Variants in ZFAND3 observed in about 807,000 individuals in gnomAD.
ZFAND3 encodes the protein AN1-type zinc finger protein 3.
ZFAND3 carries 10 observed loss-of-function variants against 29.6 expected under a neutral mutation model. The observed-to-expected ratio is 0.34, with a 90% CI of 0.21 to 0.57. The LOEUF is 0.57. Ranked by LOEUF, ZFAND3 falls within the 20% of genes least tolerant of loss-of-function variation. ZFAND3 has a pLI of 0.86. For missense variants in ZFAND3, 230 were observed against 304.5 expected (o/e 0.76, Z 1.82); for synonymous variants, 128 against 112.6 (o/e 1.14, Z -0.87).
At chr6:37,901,626 C>CA (rs1170906488) in intron 1 of ZFAND3, among the ~76,000 whole-genome samples, 9 of 151,616 alleles carry the variant, frequency 5.9e-5, no homozygotes, top group African/African-American at 2.2e-4. Flanking sequence ...TCAATAACAA[C>CA]AAAAAAAGGA....
intron 1 of ZFAND3, among the ~76,000 whole-genome samples, chr6:37,858,348 C>G (rs866583862): frequency 6.6e-6 from 1 of 152,168 alleles, no homozygotes; most frequent in East Asian, 1.9e-4. Flanking sequence ...GTAGCAGGTA[C>G]TAAGGACCTT....
At chr6:37,985,529 C>CACCCA (rs33984396) in intron 2 of ZFAND3, among the ~76,000 whole-genome samples, 2 of 89,700 alleles carry the variant, frequency 2.2e-5, no homozygotes, top group African/African-American at 7.3e-5. Context: ...ACACACACAC[C>CACCCA]CCCACACACG....
chr6:38,026,065 G>A (rs1763441235), intron 2 of ZFAND3, among the ~76,000 whole-genome samples: 2 of 152,130 alleles, frequency 1.3e-5, no homozygotes, highest in African/African-American at 2.4e-5. Flanking sequence ...TCTCAATAAA[G>A]CTGTTACAAA....
chr6:38,010,904 C>CTTTT (rs35362297), intron 2 of ZFAND3, among the ~76,000 whole-genome samples: 8,648 of 130,914 alleles, frequency 0.066, 347 homozygotes, highest in Non-Finnish European at 0.087. Flanking sequence ...CCCGGCCCAA[C>CTTTT]TTTTTTTTTT....
At chr6:38,101,500 G>A (rs1409146114) in intron 4 of ZFAND3, among the ~76,000 whole-genome samples, 8 of 152,136 alleles carry the variant, frequency 5.3e-5, no homozygotes. Context: ...ATAAGCTTAA[G>A]GATTTGTCTT....
At chr6:38,089,834 C>G (rs1324785826) in intron 4 of ZFAND3, among the ~76,000 whole-genome samples, 1 of 152,160 alleles carries the variant, frequency 6.6e-6, no homozygotes, top group Non-Finnish European at 1.5e-5. Flanking sequence ...GAGGACTTCA[C>G]ATCTTCCTCT....
chr6:38,144,287 GTCATT>G lies in ZFAND3; in HGVS notation c.530-7946_530-7942del, dbSNP rs1269314109. Among the ~76,000 whole-genome samples, 42 of 147,322 alleles carry G rather than the reference GTCATT, an allele frequency of 2.9e-4. 1 individual carries two copies. Among genetic ancestry groups the G allele is most frequent in the Admixed American group, 2.8e-3 (41 of 14,650 alleles). Reference sequence around the variant, plus strand: ...TAAGGAAGATGGGTCGGGGATATTTGTCATTTATTTTTGAAATAGACACTTTAGAT... The same window carrying G: ...TAAGGAAGATGGGTCGGGGATATTTGTATTTTTGAAATAGACACTTTAGAT... On this transcript the variant is annotated intron_variant, in intron 5 of 5. Coordinates refer to ENST00000287218, the MANE Select transcript of ZFAND3 (RefSeq NM_021943.3).
At chr6:38,117,442 G>A (rs1354271947) in intron 5 of ZFAND3, among the ~76,000 whole-genome samples, 1 of 151,792 alleles carries the variant, frequency 6.6e-6, no homozygotes, top group East Asian at 1.9e-4. Context: ...TACCCACAGT[G>A]GAATGAAACT....
chr6:37,841,190 G>GAAT (rs1764066403), intron 1 of ZFAND3, among the ~76,000 whole-genome samples: 1 of 152,128 alleles, frequency 6.6e-6, no homozygotes, highest in Admixed American at 6.5e-5. Flanking sequence ...AAGGGTTTCC[G>GAAT]AATAAGTTTC....
At chr6:38,065,262 C>T (rs1177243991) in intron 3 of ZFAND3, among the ~76,000 whole-genome samples, 6 of 151,688 alleles carry the variant, frequency 4.0e-5, no homozygotes, top group Non-Finnish European at 8.8e-5. Flanking sequence ...TTGCAGTGAG[C>T]CGAGATCACT....
At chr6:38,151,492 A>G (rs1355144862) in intron 5 of ZFAND3, among the ~76,000 whole-genome samples, 2 of 151,356 alleles carry the variant, frequency 1.3e-5, no homozygotes, top group Non-Finnish European at 2.9e-5. Flanking sequence ...CAGTGGAGTG[A>G]AGGACAGCTG....
intron 4 of ZFAND3, among the ~76,000 whole-genome samples, chr6:38,107,741 G>A (rs1361848229): frequency 6.6e-6 from 1 of 152,186 alleles, no homozygotes; most frequent in Admixed American, 6.5e-5. Context: ...GCTGAGGCAG[G>A]AAGATCACTT....
rs552543391 is a variant in ZFAND3 at position 37,870,473 on chromosome 6, G to A, written c.71+50457G>A. Among the ~76,000 whole-genome samples, 9 of 151,408 alleles carry A rather than the reference G, an allele frequency of 5.9e-5. No homozygotes were observed. The South Asian group carries it at 1.3e-3, about 21-fold the overall frequency. On this transcript the variant is annotated intron_variant, in intron 1 of 5. Coordinates refer to ENST00000287218, the MANE Select transcript of ZFAND3 (RefSeq NM_021943.3). ...AAAAATTAGCCAGGCATGGTGGCAC[G>A]CGCCAATCCCAGCTACTTGGGAAGC...
chr6:38,022,302 G>T (rs548824604), intron 2 of ZFAND3, among the ~76,000 whole-genome samples: 10 of 152,258 alleles, frequency 6.6e-5, no homozygotes, highest in Middle Eastern at 6.8e-3. Flanking sequence ...TAGGCAAGAA[G>T]GCTTTAAAAA....
intron 1 of ZFAND3, among the ~76,000 whole-genome samples, chr6:37,851,228 C>T (rs1435228674): frequency 1.3e-5 from 2 of 151,402 alleles, no homozygotes; most frequent in Non-Finnish European, 2.9e-5. Flanking sequence ...CTCAGGTGAT[C>T]CACCTGCCTT....
intron 4 of ZFAND3, among the ~76,000 whole-genome samples, chr6:38,112,623 A>C (rs1765341394): frequency 6.6e-6 from 1 of 152,246 alleles, no homozygotes; most frequent in African/African-American, 2.4e-5. Context: ...AATTTATTCA[A>C]ATATGGGTAG....
intron 3 of ZFAND3, among the ~76,000 whole-genome samples, chr6:38,074,999 A>G (rs2127468371): frequency 6.6e-6 from 1 of 152,338 alleles, no homozygotes; most frequent in East Asian, 1.9e-4. Flanking sequence ...TACTGCTGAG[A>G]AAAAGATTCC....
intron 1 of ZFAND3, among the ~76,000 whole-genome samples, chr6:37,922,028 C>T (rs1038043720): frequency 6.6e-6 from 1 of 152,102 alleles, no homozygotes; most frequent in African/African-American, 2.4e-5. Context: ...CACACCACTG[C>T]ACTCCAGCCT....
chr6:37,883,742 A>C (rs1764938681), intron 1 of ZFAND3, among the ~76,000 whole-genome samples: 1 of 145,156 alleles, frequency 6.9e-6, no homozygotes, highest in Non-Finnish European at 1.5e-5. Flanking sequence ...AGGTTTCACC[A>C]TCTTGGTCAG....
Sources: allele counts gnomAD v4.1 joint callset (sites outside exome capture counted in the v4.1 genomes callset), GRCh38; gene constraint gnomAD v4.1.1; transcripts MANE v1.5; gene names NCBI Gene and HGNC (gene_info 2026-07-23, HGNC 2026-07-21).